ELN: variants seen among roughly 807,000 people sequenced by gnomAD.
The protein encoded by ELN is elastin.
ELN carries 65 observed loss-of-function variants against 105.8 expected under a neutral mutation model. The ratio of observed to expected loss-of-function variants is 0.61; its 90% CI spans 0.50 to 0.75. The LOEUF (loss-of-function observed/expected upper bound fraction) is 0.75. Among genes scored for constraint, ELN ranks in the 30% least tolerant of loss-of-function variants. The probability of loss-of-function intolerance (pLI) is 0.00; values close to 1 mark genes in which losing one functional copy is unlikely to be tolerated. For synonymous variants in ELN, 368 were observed against 389.2 expected (o/e 0.95, Z 0.64); for missense variants, 882 against 969.4 (o/e 0.91, Z 1.20).
chr7:74,057,614 C>T (rs782632747), intron 21 of ELN, 26 bp from the exon 22 acceptor site: 4 of 1,613,810 alleles, frequency 2.5e-6, no homozygotes, highest in Non-Finnish European at 3.4e-6. Flanking sequence ...AGATTACTCT[C>T]TCACCCCTTC....
rs1554686027 is a variant in ELN, at chr7:74,063,176, G to T, written c.1810G>T (p.Gly604Ter). ...AGGAGCAGCAGTGCCTGGGGTCCTT[G>T]GAGGGCTCGGGGCTCTCGGTGGAGT... ...KYGAAVPGVL[G>*]GLGALGGVGI... Residue 604 changes from glycine (G) to a stop codon, truncating the protein, a stop_gained, in exon 27 of 33, where the codon GGA becomes TGA. Transcript: ENST00000252034. LOFTEE classifies it high-confidence loss of function. The surrounding 1 kb of genome is among the most constrained non-coding windows in gnomAD (Gnocchi z 4.1). 1.2e-6 allele frequency: 2 copies of T among 1,609,338 alleles called. No homozygotes were observed. Among genetic ancestry groups the T allele is most frequent in the Non-Finnish European group, 8.5e-7 (1 of 1,178,778 alleles).
intron 32 of ELN, 68 bp from the exon 33 acceptor site, chr7:74,068,589 C>A (rs1420290310): frequency 3.8e-6 from 6 of 1,592,932 alleles, no homozygotes; most frequent in African/African-American, 1.3e-5. Flanking sequence ...TGGGTCAGAG[C>A]AGGCGGGGAT....
At chr7:74,034,022 T>C (rs1789319011) in intron 1 of ELN, among the ~76,000 whole-genome samples, 1 of 152,198 alleles carries the variant, frequency 6.6e-6, no homozygotes, top group Non-Finnish European at 1.5e-5. Context: ...CCATGGGGAC[T>C]GAACTCGTGA....
chr7:74,058,852 T>C (rs976379848), intron 22 of ELN, among the ~76,000 whole-genome samples: 1 of 152,200 alleles, frequency 6.6e-6, no homozygotes, highest in Non-Finnish European at 1.5e-5. Context: ...TCAGAATCTC[T>C]AGGACTGAAT....
chr7:74,058,593 C>T (rs1430542929), intron 22 of ELN, among the ~76,000 whole-genome samples: 3 of 152,136 alleles, frequency 2.0e-5, no homozygotes, highest in Admixed American at 1.3e-4. Flanking sequence ...TAGGCTAAAG[C>T]GATCCTCCTG....
chr7:74,054,756 G>A lies in ELN; in HGVS notation c.1137G>A (p.Lys379=), dbSNP rs1563831640. 6.2e-7 allele frequency: 1 copy of A among 1,614,162 alleles called. No homozygotes were observed. The highest frequency in any genetic ancestry group is 8.5e-7 in the Non-Finnish European group (1 of 1,180,042). ...SPEAAAKAAA[K]AAKYGARPGV... is the part of the protein sequence containing the mutation. ...AAGCAGCTGCTAAGGCAGCTGCAAAGGCAGCCAAATACGGTGAGTGCTATG... is the reference window on the plus strand; with the variant it reads ...AAGCAGCTGCTAAGGCAGCTGCAAAAGCAGCCAAATACGGTGAGTGCTATG... Residue 379 remains lysine (K), a synonymous_variant, in exon 19 of 33, where the codon AAG becomes AAA. Coordinates refer to ENST00000252034, the MANE Select transcript of ELN (RefSeq NM_000501.4).
At chr7:74,055,944 G>A (rs989271903) in intron 19 of ELN, among the ~76,000 whole-genome samples, 1 of 151,618 alleles carries the variant, frequency 6.6e-6, no homozygotes, top group Non-Finnish European at 1.5e-5. Context: ...CCGCCACCAC[G>A]CCCGGCTAAT....
intron 26 of ELN, among the ~76,000 whole-genome samples, chr7:74,062,894 G>A (rs1020178978): frequency 2.0e-5 from 3 of 152,114 alleles, no homozygotes; most frequent in South Asian, 2.1e-4. Flanking sequence ...TCACACCTTC[G>A]GGAGGCTAAG....
intron 32 of ELN, among the ~76,000 whole-genome samples, chr7:74,067,142 C>T (rs187776037): frequency 5.3e-5 from 8 of 152,126 alleles, no homozygotes; most frequent in African/African-American, 1.4e-4. Flanking sequence ...TAAAATTAGC[C>T]GGGTGTGGTG....
Position 74,051,831 on chromosome 7 carries a change from G to T in ELN, c.881G>T (p.Gly294Val), listed in dbSNP as rs1563819420. The change falls in exon 16 of 33, where the codon GGC (glycine) becomes GTC (valine). Residue 294 changes from glycine to valine, a missense_variant. Coordinates refer to ENST00000252034, the MANE Select transcript of ELN (RefSeq NM_000501.4). The stretch of plus-strand genomic sequence containing the variant: ...CCTGGGGCAATTCCTGGAATTGGAG[G>T]CATCGCAGGTAACATCTGTCCCAGC... ...GVPGAIPGIG[G>V]IAGVGTPAAA... The T allele has an allele frequency of 1.9e-6, 3 of 1,614,230 alleles. No homozygotes were observed. Among genetic ancestry groups the T allele is most frequent in the Non-Finnish European group, 1.7e-6 (2 of 1,180,036 alleles).
At chr7:74,066,258 G>A (rs1189293801) in intron 31 of ELN, among the ~76,000 whole-genome samples, 1 of 152,202 alleles carries the variant, frequency 6.6e-6, no homozygotes, top group Non-Finnish European at 1.5e-5. Flanking sequence ...TGTTGAGAAA[G>A]CCACTCTGGC....
chr7:74,028,655 G>T (rs1046133926), intron 1 of ELN, among the ~76,000 whole-genome samples: 10 of 152,276 alleles, frequency 6.6e-5, no homozygotes, highest in African/African-American at 2.4e-4. Flanking sequence ...CACAGCTGGG[G>T]TGCACACCAG....
chr7:74,029,873 G>A (rs1329050121), intron 1 of ELN, among the ~76,000 whole-genome samples: 3 of 152,220 alleles, frequency 2.0e-5, no homozygotes, highest in Non-Finnish European at 2.9e-5. Flanking sequence ...CTGAGGCTCC[G>A]GCAGGCTAAG....
chr7:74,065,832 C>A, intron 30 of ELN, 100 bp downstream of exon 30: 1 of 1,610,896 alleles, frequency 6.2e-7, no homozygotes, highest in Non-Finnish European at 8.5e-7. Context: ...TCTGGCTCCC[C>A]CTACCCCTGA....
intron 18 of ELN, among the ~76,000 whole-genome samples, chr7:74,054,090 T>C (rs1328649193): frequency 6.6e-6 from 1 of 151,718 alleles, no homozygotes; most frequent in Non-Finnish European, 1.5e-5. Flanking sequence ...GATGAATGGA[T>C]AGATAGGCAG....
intron 4 of ELN, 72 bp downstream of exon 4, chr7:74,037,811 A>T: frequency 6.3e-7 from 1 of 1,577,470 alleles, no homozygotes; most frequent in Non-Finnish European, 8.6e-7. Flanking sequence ...CCCAGCTGGG[A>T]ATGGGACAAG....
chr7:74,040,094 G>T (rs1790841777), intron 4 of ELN, among the ~76,000 whole-genome samples: 1 of 152,202 alleles, frequency 6.6e-6, no homozygotes, highest in South Asian at 2.1e-4. Context: ...GGATGCTCAG[G>T]CTGGGATCAT....
chr7:74,058,060 C>T (rs1302639206), intron 22 of ELN, among the ~76,000 whole-genome samples: 1 of 151,162 alleles, frequency 6.6e-6, no homozygotes, highest in East Asian at 2.0e-4. Flanking sequence ...CCTCTTCCTT[C>T]TTCTTCTTCT....
Position 74,063,381 on chromosome 7 carries a change from G to A in ELN, c.1918+12G>A, listed in dbSNP as rs1383551173. 6.5e-6 allele frequency: 10 copies of A among 1,545,120 alleles called. No homozygotes were observed. In the African/African-American group the frequency reaches 9.6e-5, roughly 15 times the overall value. On this transcript the variant is annotated intron_variant, in intron 28 of 32. Transcript: ENST00000252034. The surrounding 1 kb of genome is among the most constrained non-coding windows in gnomAD (Gnocchi z 4.1). The stretch of plus-strand genomic sequence containing the variant: ...AGCCGCCCAGTTTGGTGAGCACTGG[G>A]TGGAGGTGGGAGCTGCCGCCAGGCC...
Sources: allele counts gnomAD v4.1 joint callset (sites outside exome capture counted in the v4.1 genomes callset), GRCh38; gene constraint gnomAD v4.1.1; non-coding constraint Gnocchi (gnomAD v3.1); transcripts MANE v1.5; gene names NCBI Gene and HGNC (gene_info 2026-07-23, HGNC 2026-07-21).